SYNM: variants seen among roughly 807,000 people sequenced by gnomAD.
The protein encoded by SYNM is desmuslin.
A neutral mutation model predicts 104.0 loss-of-function variants in SYNM; 95 were observed. That is an observed-to-expected ratio of 0.91 (90% CI 0.77 to 1.08). The LOEUF (loss-of-function observed/expected upper bound fraction) is 1.08. Ranked by LOEUF, SYNM falls within the 50% of genes least tolerant of loss-of-function variation. SYNM has a pLI of 0.00. For missense variants in SYNM, 2,150 were observed against 2,052.2 expected (o/e 1.05, Z -0.92); for synonymous variants, 918 against 869.0 (o/e 1.06, Z -0.99).
chr15:99,124,624 G>T (rs1193884130), intron 2 of SYNM, among the ~76,000 whole-genome samples: 1 of 152,210 alleles, frequency 6.6e-6, no homozygotes. Flanking sequence ...TCTGAAATTT[G>T]TGTGCAATAC....
At chr15:99,113,504 T>A in intron 1 of SYNM, 87 bp from the exon 2 acceptor site, 2 of 1,551,684 alleles carry the variant, frequency 1.3e-6, no homozygotes, top group South Asian at 2.3e-5. Context: ...GGTCTGTTTT[T>A]CAATTCGATC....
downstream of SYNM, chr15:99,139,258 C>CT: frequency 6.3e-7 from 1 of 1,589,368 alleles, no homozygotes; most frequent in Non-Finnish European, 8.5e-7. Flanking sequence ...CCAGCTTTCT[C>CT]TTGAGATTCT....
Position 99,105,577 on chromosome 15 carries a change from G to A in SYNM, c.378G>A (p.Ala126=), listed in dbSNP as rs1450946584. The A allele has an allele frequency of 1.7e-6, 2 of 1,144,598 alleles. No homozygotes were observed. The highest frequency in any genetic ancestry group is 4.7e-5 in the Admixed American group (1 of 21,064). The allele number at this position is 1,144,598 out of a possible 1,614,324, so 70.9% of individuals were successfully genotyped here. A position where few individuals can be genotyped will look rare whatever the true frequency, so the allele number is the denominator to read the frequency against. ...QQRELQEALG[A]RAALEALLGR... Reference sequence around the variant, plus strand: ...GCGAGCTGCAGGAGGCGCTGGGCGCGCGCGCCGCCCTCGAGGCGCTGCTGG... The same window carrying A: ...GCGAGCTGCAGGAGGCGCTGGGCGCACGCGCCGCCCTCGAGGCGCTGCTGG... The change falls in exon 1 of 4, where the codon GCG becomes GCA. Residue 126 remains alanine, a synonymous_variant. Coordinates refer to ENST00000336292, the MANE Select transcript of SYNM (RefSeq NM_145728.3).
At chr15:99,136,355 C>T (rs782290886), downstream of SYNM, 1 of 152,260 alleles carries the variant, frequency 6.6e-6, no homozygotes, top group Non-Finnish European at 1.5e-5. Context: ...TTCAAAAACT[C>T]GGCATGGACT....
chr15:99,132,755 TGTGA>T lies in SYNM; in HGVS notation c.4398_4401del (p.Ser1467ThrfsTer2), dbSNP rs782688086. ...AAACTTCGTTTACCTTTCAGATGGA[TGTGA>T]GTAACGTAGAGGCGATCCGCAGCCG... On this transcript the variant is annotated frameshift_variant, in exon 4 of 4. Transcript: ENST00000336292. LOFTEE classifies it high-confidence loss of function. 1 of 1,613,772 alleles carries T rather than the reference TGTGA, an allele frequency of 6.2e-7. No individual in the cohort carries two copies. Among genetic ancestry groups the T allele is most frequent in the Non-Finnish European group, 8.5e-7 (1 of 1,179,854 alleles).
At chr15:99,107,664 G>T (rs1340445491) in intron 1 of SYNM, among the ~76,000 whole-genome samples, 5 of 152,198 alleles carry the variant, frequency 3.3e-5, no homozygotes, top group African/African-American at 1.2e-4. Flanking sequence ...AGTGGAACTC[G>T]TAATGTGAGC....
downstream of SYNM, among the ~76,000 whole-genome samples, chr15:99,138,964 G>T (rs2067884600): frequency 6.6e-6 from 1 of 152,236 alleles, no homozygotes; most frequent in African/African-American, 2.4e-5. Flanking sequence ...TCCGGCTCCA[G>T]TCCTGACGGG....
At chr15:99,106,673 A>T (rs1187026473) in intron 1 of SYNM, among the ~76,000 whole-genome samples, 4 of 152,188 alleles carry the variant, frequency 2.6e-5, no homozygotes, top group African/African-American at 9.7e-5. Context: ...CTTTGGCAGG[A>T]TGTTATTACA....
rs375489918 is a variant in SYNM, at chr15:99,133,099, C to T, written c.*41C>T. On this transcript the variant is annotated 3_prime_UTR_variant, in exon 4 of 4. Coordinates refer to ENST00000336292, the MANE Select transcript of SYNM (RefSeq NM_145728.3). ...TGTTTTAATGGCAGCCTGTTGGCGA[C>T]GTGCCAACATCCAAAGGCCTTAACT... 2.9e-5 allele frequency: 46 copies of T among 1,601,210 alleles called. No individual in the cohort carries two copies. The highest frequency in any genetic ancestry group is 3.4e-5 in the Admixed American group (2 of 59,336).
downstream of SYNM, chr15:99,139,888 G>A: frequency 1.8e-6 from 1 of 554,656 alleles, no homozygotes. Context: ...GACTACCCAG[G>A]GCTGGCTTTG....
the SYNM span, chr15:99,140,972 G>A: frequency 1.3e-5 from 2 of 152,266 alleles, no homozygotes; most frequent in African/African-American, 4.8e-5. Context: ...TCAAAGAGTT[G>A]AAATCTGATG....
chr15:99,111,275 G>A (rs1048612541), intron 1 of SYNM, among the ~76,000 whole-genome samples: 5 of 152,130 alleles, frequency 3.3e-5, no homozygotes, highest in African/African-American at 1.2e-4. Flanking sequence ...TCTTTGTAAG[G>A]AATAAATTAC....
In SYNM at chr15:99,105,970, G is replaced by C; in HGVS notation, c.771G>C (p.Arg257=). The part of the protein sequence containing the change: ...LRARLEDALL[R]MREEYGIQAE... ...CGCGGCTGGAGGACGCGCTGCTGCGGATGCGCGAGGAGTACGGGATACAGG... is the reference window on the plus strand; with the variant it reads ...CGCGGCTGGAGGACGCGCTGCTGCGCATGCGCGAGGAGTACGGGATACAGG... The change falls in exon 1 of 4, where the codon CGG becomes CGC. Residue 257 remains arginine (R), a synonymous_variant. Coordinates refer to ENST00000336292, the MANE Select transcript of SYNM (RefSeq NM_145728.3). The C allele has an allele frequency of 6.6e-7, 1 of 1,514,256 alleles. No individual in the cohort carries two copies. The highest frequency in any genetic ancestry group is 2.5e-5 in the East Asian group (1 of 39,606). The allele number at this position is 1,514,256 out of a possible 1,614,324, so 93.8% of individuals were successfully genotyped here. A position where few individuals can be genotyped will look rare whatever the true frequency, so the allele number is the denominator to read the frequency against.
chr15:99,110,235 G>A (rs548732213), intron 1 of SYNM, among the ~76,000 whole-genome samples: 4 of 152,302 alleles, frequency 2.6e-5, no homozygotes, highest in East Asian at 1.9e-4. Context: ...TGCTGAATCC[G>A]CAGCCATGAA....
chr15:99,136,557 T>A (rs1371547155), downstream of SYNM: 2 of 152,154 alleles, frequency 1.3e-5, no homozygotes, highest in Non-Finnish European at 2.9e-5. Context: ...AGAGATCATC[T>A]CTCTGGTGTC....
At chr15:99,120,543 T>C (rs903666026) in intron 2 of SYNM, among the ~76,000 whole-genome samples, 2 of 152,178 alleles carry the variant, frequency 1.3e-5, no homozygotes, top group Admixed American at 1.3e-4. Flanking sequence ...ACACCTGCCC[T>C]CAGCCTTCTC....
chr15:99,137,555 T>C (rs1234103413), downstream of SYNM: 1 of 153,308 alleles, frequency 6.5e-6, no homozygotes, highest in Non-Finnish European at 1.5e-5. Context: ...GGTTTCCCTT[T>C]ATTAGCGTTT....
rs934264409 is a variant in SYNM at position 99,134,472 on chromosome 15, A to T, written c.*1414A>T. 6 of 152,026 alleles carry T rather than the reference A, an allele frequency of 3.9e-5. No homozygotes were observed. Among genetic ancestry groups the T allele is most frequent in the Non-Finnish European group, 7.4e-5 (5 of 67,974 alleles). The allele number at this position is 152,026 out of a possible 1,614,324, so 9.4% of individuals were successfully genotyped here. A position where few individuals can be genotyped will look rare whatever the true frequency, so the allele number is the denominator to read the frequency against. ...ATAAAAAGAGTTTCGCTAGCAGCGC[A>T]TTTTTTTTAGTTCAGGCTAGCTTCT... On this transcript the variant is annotated 3_prime_UTR_variant, in exon 4 of 4. Coordinates refer to ENST00000336292, the MANE Select transcript of SYNM (RefSeq NM_145728.3).
intron 1 of SYNM, among the ~76,000 whole-genome samples, chr15:99,113,076 A>G (rs1194009628): frequency 6.6e-6 from 1 of 152,222 alleles, no homozygotes. Context: ...TTCTCCCCAG[A>G]TGATCTTAAA....
Sources: gnomAD v4.1 joint callset for allele counts (sites outside exome capture counted in the v4.1 genomes callset) on GRCh38, gnomAD v4.1.1 for gene constraint, MANE v1.5 for transcripts, NCBI Gene and HGNC (gene_info 2026-07-23, HGNC 2026-07-21) for gene names.